CFAP92: variants seen among roughly 807,000 people sequenced by gnomAD.
CFAP92 encodes the protein cilia and flagella associated protein 92 (putative).
In CFAP92, 86 loss-of-function variants were observed where a neutral mutation model predicts 106.3. The ratio of observed to expected loss-of-function variants is 0.81; its 90% CI spans 0.68 to 0.97. The LOEUF (loss-of-function observed/expected upper bound fraction) is 0.97. CFAP92 is among the 50% of genes least tolerant of loss of function. The probability of loss-of-function intolerance (pLI) is 0.00; values close to 1 mark genes in which losing one functional copy is unlikely to be tolerated. For synonymous variants in CFAP92, 477 were observed against 506.4 expected (o/e 0.94, Z 0.78); for missense variants, 1,204 against 1,283.8 (o/e 0.94, Z 0.95).
intron 2 of CFAP92, among the ~76,000 whole-genome samples, chr3:128,989,573 A>G (rs1478790217): frequency 6.6e-6 from 1 of 152,216 alleles, no homozygotes; most frequent in Non-Finnish European, 1.5e-5. Flanking sequence ...GCCAGAGTCC[A>G]GAGCCCAAGG....
intron 12 of CFAP92, among the ~76,000 whole-genome samples, chr3:128,923,471 A>G (rs965763187): frequency 6.6e-6 from 1 of 152,228 alleles, no homozygotes; most frequent in Non-Finnish European, 1.5e-5. Flanking sequence ...CCTGAATACA[A>G]GAGACCCTAA....
intron 3 of CFAP92, 64 bp downstream of exon 3, chr3:128,988,664 A>G (rs763916753): frequency 3.3e-6 from 5 of 1,527,734 alleles, no homozygotes; most frequent in African/African-American, 1.4e-5. Flanking sequence ...ATATCCATGG[A>G]GCAGCACACT....
upstream of CFAP92, among the ~76,000 whole-genome samples, chr3:128,997,617 T>G (rs1944529745): frequency 6.6e-6 from 1 of 152,238 alleles, no homozygotes; most frequent in Non-Finnish European, 1.5e-5. Flanking sequence ...CAAGGTTTAT[T>G]TATGTTGAGG....
chr3:129,016,812 CTT>C, the CFAP92 span, among the ~76,000 whole-genome samples: 1 of 152,170 alleles, frequency 6.6e-6, no homozygotes, highest in Non-Finnish European at 1.5e-5. Context: ...GCACTAAGGA[CTT>C]TATCTGTACA....
upstream of CFAP92, among the ~76,000 whole-genome samples, chr3:128,995,101 A>G (rs1944430940): frequency 1.3e-5 from 2 of 152,276 alleles, 1 homozygote; most frequent in South Asian, 4.1e-4. Flanking sequence ...GTTCAAGAGA[A>G]TGGGAGCTGA....
chr3:128,979,716 ATGT>A (rs954395370), intron 4 of CFAP92, among the ~76,000 whole-genome samples: 6 of 150,244 alleles, frequency 4.0e-5, no homozygotes, highest in Non-Finnish European at 8.9e-5. Context: ...CAAACACCGC[ATGT>A]TCTCACTCAT....
chr3:128,978,704 A>G (rs1273335457), intron 4 of CFAP92, among the ~76,000 whole-genome samples: 1 of 152,266 alleles, frequency 6.6e-6, no homozygotes, highest in Non-Finnish European at 1.5e-5. Context: ...AGAAATGGGG[A>G]AAGGATTCCC....
At chr3:128,953,210 A>G (rs1940983279) in intron 9 of CFAP92, among the ~76,000 whole-genome samples, 2 of 151,546 alleles carry the variant, frequency 1.3e-5, no homozygotes, top group South Asian at 2.1e-4. Context: ...AGACAAAACA[A>G]TAGAAATAGA....
At chr3:128,912,702 A>C (rs756903759) in intron 15 of CFAP92, 1 of 1,167,322 alleles carries the variant, frequency 8.6e-7, no homozygotes, top group Non-Finnish European at 1.3e-6. Context: ...TGGGATTATC[A>C]CAGGTTAAGC....
intron 12 of CFAP92, among the ~76,000 whole-genome samples, chr3:128,928,644 CT>C (rs1937977457): frequency 6.6e-6 from 1 of 151,852 alleles, no homozygotes; most frequent in Non-Finnish European, 1.5e-5. Flanking sequence ...TACATTGGAC[CT>C]CAAAAAAAAT....
the CFAP92 span, among the ~76,000 whole-genome samples, chr3:129,013,396 A>G: frequency 6.6e-6 from 1 of 152,168 alleles, no homozygotes; most frequent in African/African-American, 2.4e-5. Flanking sequence ...TCAACTAAAA[A>G]TCTCAAGCGT....
intron 10 of CFAP92, among the ~76,000 whole-genome samples, chr3:128,939,005 G>A (rs149009002): frequency 6.6e-6 from 1 of 152,158 alleles, no homozygotes; most frequent in Non-Finnish European, 1.5e-5. Flanking sequence ...CAAAAATCAC[G>A]TCTATTTTCA....
the CFAP92 span, among the ~76,000 whole-genome samples, chr3:129,013,206 G>A: frequency 2.6e-5 from 4 of 151,956 alleles, no homozygotes; most frequent in African/African-American, 4.8e-5. Context: ...TTGTTTTGAC[G>A]GTACAGCCTT....
intron 15 of CFAP92, chr3:128,913,247 T>G: frequency 2.8e-6 from 1 of 361,558 alleles, no homozygotes; most frequent in Non-Finnish European, 5.4e-6. Context: ...CCCAGAATGC[T>G]AAGGAGCAGA....
the CFAP92 span, among the ~76,000 whole-genome samples, chr3:129,017,082 TGGC>T: frequency 6.6e-6 from 1 of 152,234 alleles, no homozygotes; most frequent in African/African-American, 2.4e-5. Flanking sequence ...AGAGCTGCCA[TGGC>T]CTCAGGCATC....
rs773355480 is a variant in CFAP92, at chr3:128,932,778, G to A, written c.2673C>T (p.His891=). The A allele has an allele frequency of 2.4e-5, 37 of 1,536,060 alleles. No individual in the cohort carries two copies. The highest frequency in any genetic ancestry group is 3.9e-5 in the Admixed American group (2 of 50,984). The change falls in exon 12 of 16, where the codon CAC becomes CAT. Residue 891 remains histidine (H), a synonymous_variant. Transcript: ENST00000645291. ...ACTGCAGGTACTTCTCCTGGTGGGC[G>A]TGGATCTCTAAGGTGAGGGTGGAGT... ...SRNSTLTLEI[H]AHQEKYLQWR...
At chr3:129,020,793 A>G in the CFAP92 span, among the ~76,000 whole-genome samples, 4 of 152,216 alleles carry the variant, frequency 2.6e-5, no homozygotes, top group African/African-American at 9.6e-5. Context: ...CAGGGGAGGG[A>G]GCCAGGAAGG....
intron 8 of CFAP92, chr3:128,967,181 C>T (rs1420787964): frequency 6.6e-6 from 1 of 152,130 alleles, no homozygotes; most frequent in Non-Finnish European, 1.5e-5. Context: ...ATTTCTAGGG[C>T]ATGTAAAAGC....
At chr3:128,916,417 GAACCAGGGCAAAGGGCC>G in intron 12 of CFAP92, 146 bp from the exon 13 acceptor site, 4 of 591,164 alleles carry the variant, frequency 6.8e-6, no homozygotes, top group Non-Finnish European at 7.4e-6. Flanking sequence ...TTTCATCATA[GAACCAGGGCAAAGGGCC>G]AACTAGTCCA....
Sources: gnomAD v4.1 joint callset for allele counts (sites outside exome capture counted in the v4.1 genomes callset) on GRCh38, gnomAD v4.1.1 for gene constraint, MANE v1.5 for transcripts, NCBI Gene and HGNC (gene_info 2026-07-23, HGNC 2026-07-21) for gene names.